The following ATL1 variants were observed in gnomAD, a reference collection of about 807,000 sequenced individuals.
The protein encoded by ATL1 is atlastin GTPase 1, also known as atlastin-1.
In ATL1, 31 loss-of-function variants were observed where a neutral mutation model predicts 75.5. The ratio of observed to expected loss-of-function variants is 0.41; its 90% CI spans 0.31 to 0.55. ATL1 has a LOEUF of 0.55. ATL1 is among the 20% of genes least tolerant of loss of function. The pLI, the probability that ATL1 is intolerant of heterozygous loss-of-function variation, is 0.27. For synonymous variants in ATL1, 226 were observed against 233.3 expected (o/e 0.97, Z 0.28); for missense variants, 405 against 662.6 (o/e 0.61, Z 4.27).
intron 2 of ATL1, among the ~76,000 whole-genome samples, chr14:50,590,297 C>T (rs151158305): frequency 4.9e-4 from 74 of 152,326 alleles, no homozygotes; most frequent in African/African-American, 1.7e-3. Context: ...TAATTCATCT[C>T]TGCTTCTTCA....
At chr14:50,596,446 C>CA (rs1167771360) in intron 6 of ATL1, among the ~76,000 whole-genome samples, 1 of 152,086 alleles carries the variant, frequency 6.6e-6, no homozygotes, top group Non-Finnish European at 1.5e-5. Flanking sequence ...AAATGAGTAA[C>CA]AATACAGAAG....
At chr14:50,541,774 A>G (rs941547820) in intron 1 of ATL1, among the ~76,000 whole-genome samples, 1 of 152,002 alleles carries the variant, frequency 6.6e-6, no homozygotes, top group African/African-American at 2.4e-5. Context: ...TAATCCCAGC[A>G]TTTAGGGAGG....
At chr14:50,594,256 C>T (rs61982176) in intron 5 of ATL1, among the ~76,000 whole-genome samples, 4 of 152,118 alleles carry the variant, frequency 2.6e-5, no homozygotes, top group Non-Finnish European at 5.9e-5. Context: ...CTCACTATGG[C>T]GAGAACAGCG....
At chr14:50,567,141 T>C (rs1306950111) in intron 1 of ATL1, among the ~76,000 whole-genome samples, 3 of 152,222 alleles carry the variant, frequency 2.0e-5, no homozygotes, top group Admixed American at 2.0e-4. Flanking sequence ...TCCCTCCTCA[T>C]GGCTACTAGC....
At chr14:50,537,876 C>T (rs1437650094) in intron 1 of ATL1, among the ~76,000 whole-genome samples, 1 of 152,126 alleles carries the variant, frequency 6.6e-6, no homozygotes, top group African/African-American at 2.4e-5. Flanking sequence ...TTTACAGGCT[C>T]ATTGGTGGAA....
At chr14:50,580,774 G>T (rs1479455134) in intron 1 of ATL1, among the ~76,000 whole-genome samples, 3 of 152,110 alleles carry the variant, frequency 2.0e-5, no homozygotes, top group African/African-American at 7.2e-5. Flanking sequence ...GTTTGTGTAA[G>T]ATTGCTCTTC....
intron 1 of ATL1, among the ~76,000 whole-genome samples, chr14:50,579,430 T>C (rs2039036383): frequency 6.6e-6 from 1 of 152,244 alleles, no homozygotes. Flanking sequence ...CCCAATTTTG[T>C]TCCTCTTCAA....
intron 1 of ATL1, chr14:50,560,527 G>T: frequency 1.7e-6 from 1 of 588,532 alleles, no homozygotes; most frequent in South Asian, 2.0e-5. Flanking sequence ...CGCGCAGGCC[G>T]GGCCTCCAGC....
intron 12 of ATL1, chr14:50,628,707 T>A (rs2039547538): frequency 3.2e-6 from 2 of 626,196 alleles, no homozygotes; most frequent in South Asian, 1.6e-5. Flanking sequence ...TTTAGTAGTA[T>A]ATATACTTTT....
intron 10 of ATL1, among the ~76,000 whole-genome samples, chr14:50,622,729 C>G (rs2039479887): frequency 6.6e-6 from 1 of 151,654 alleles, no homozygotes; most frequent in African/African-American, 2.4e-5. Flanking sequence ...AACTAGTTCC[C>G]TTATATATTT....
At chr14:50,607,930 A>G (rs1223108042) in intron 6 of ATL1, among the ~76,000 whole-genome samples, 1 of 152,178 alleles carries the variant, frequency 6.6e-6, no homozygotes, top group East Asian at 1.9e-4. Context: ...GATTTATTTC[A>G]GTTTTTCACT....
intron 1 of ATL1, among the ~76,000 whole-genome samples, chr14:50,551,856 A>G (rs1019079791): frequency 6.6e-6 from 1 of 152,188 alleles, no homozygotes; most frequent in African/African-American, 2.4e-5. Flanking sequence ...TAGATGGGAC[A>G]TACCTCAAAG....
intron 8 of ATL1, among the ~76,000 whole-genome samples, chr14:50,620,016 T>A (rs2039452030): frequency 6.6e-6 from 1 of 152,142 alleles, no homozygotes; most frequent in Admixed American, 6.5e-5. Context: ...TCCCAGCACC[T>A]TGGGAGGCCG....
chr14:50,553,239 C>T (rs2047991454), intron 1 of ATL1, among the ~76,000 whole-genome samples: 1 of 150,676 alleles, frequency 6.6e-6, no homozygotes, highest in South Asian at 2.1e-4. Flanking sequence ...CCACTGCACT[C>T]CAGCCTGGGT....
intron 1 of ATL1, among the ~76,000 whole-genome samples, chr14:50,538,884 A>T (rs569614232): frequency 6.6e-6 from 1 of 152,178 alleles, no homozygotes; most frequent in Non-Finnish European, 1.5e-5. Context: ...AACAAGTGCT[A>T]TCATACTGTA....
Position 50,632,647 on chromosome 14 carries a change from G to T in ATL1, c.*308G>T, listed in dbSNP as rs1045896163. ...TGAATTTACTAAATTCTACTACTGG[G>T]TTATAATTAAATCATGTGATATTCC... is the stretch of plus-strand genomic sequence containing the variant. On this transcript the variant is annotated 3_prime_UTR_variant, in exon 14 of 14. Transcript: ENST00000358385. The T allele has an allele frequency of 3.4e-5, 8 of 233,812 alleles. No homozygotes were observed. Among genetic ancestry groups the T allele is most frequent in the African/African-American group, 1.8e-4 (8 of 43,784 alleles). 14.5% of individuals were successfully genotyped at this position (233,812 alleles called of 1,614,324 possible).
rs1408239215 is a variant in ATL1, at chr14:50,632,688, CATTT to C, written c.*351_*354del. ...GTGATATTCCACGTTTGGATATGCTCATTTAATTTCTACAGAAAAAATTTTAAAT... is the reference window on the plus strand; with the variant it reads ...GTGATATTCCACGTTTGGATATGCTCAATTTCTACAGAAAAAATTTTAAAT... On this transcript the variant is annotated 3_prime_UTR_variant, in exon 14 of 14. Transcript: ENST00000358385. 1 of 209,782 alleles carries C rather than the reference CATTT, an allele frequency of 4.8e-6. No individual in the cohort carries two copies. Among genetic ancestry groups the C allele is most frequent in the Non-Finnish European group, 9.8e-6 (1 of 102,398 alleles). The allele number at this position is 209,782 out of a possible 1,614,324, so 13.0% of individuals were successfully genotyped here.
intron 1 of ATL1, among the ~76,000 whole-genome samples, chr14:50,579,396 A>G (rs937973596): frequency 6.6e-6 from 1 of 152,178 alleles, no homozygotes; most frequent in African/African-American, 2.4e-5. Context: ...TTAATTATCT[A>G]TTGGTGTCTG....
At chr14:50,596,257 C>T (rs1312295308) in intron 6 of ATL1, among the ~76,000 whole-genome samples, 1 of 151,840 alleles carries the variant, frequency 6.6e-6, no homozygotes, top group Non-Finnish European at 1.5e-5. Flanking sequence ...TCACTTGACC[C>T]CAAGAGTTTG....
Sources: gnomAD v4.1 joint callset for allele counts (sites outside exome capture counted in the v4.1 genomes callset) on GRCh38, gnomAD v4.1.1 for gene constraint, MANE v1.5 for transcripts, NCBI Gene and HGNC (gene_info 2026-07-23, HGNC 2026-07-21) for gene names.